Variants in ENOX2 observed in about 807,000 individuals in gnomAD.
The protein encoded by ENOX2 is APK1 antigen.
Under a neutral mutation model 45.0 loss-of-function variants are expected in ENOX2, and 36 were observed. The observed-to-expected ratio is 0.80, with a 90% CI of 0.61 to 1.06. ENOX2 has a LOEUF of 1.06. Ranked by LOEUF, ENOX2 falls within the 50% of genes least tolerant of loss-of-function variation. The probability of loss-of-function intolerance (pLI) is 0.00; values close to 1 mark genes in which losing one functional copy is unlikely to be tolerated. For synonymous variants in ENOX2, 174 were observed against 152.3 expected (o/e 1.14, Z -1.05); for missense variants, 423 against 462.5 (o/e 0.91, Z 0.78).
chrX:130,790,184 GAA>G (rs777791372), intron 2 of ENOX2, among the ~76,000 whole-genome samples: 79 of 112,739 alleles, frequency 7.0e-4, no homozygotes, highest in African/African-American at 2.4e-3. Flanking sequence ...AAGTGAGAAA[GAA>G]AACGGAAAAG....
intron 5 of ENOX2, among the ~76,000 whole-genome samples, chrX:130,688,419 G>A (rs115876375): frequency 0.024 from 2,712 of 111,702 alleles, 66 homozygotes; most frequent in African/African-American, 0.076. Context: ...ACAACCCATC[G>A]GTTGAATAGC....
chrX:130,896,637 T>C (rs993889898), intron 2 of ENOX2, among the ~76,000 whole-genome samples: 2 of 112,102 alleles, frequency 1.8e-5, no homozygotes. Context: ...TGAAACCCTA[T>C]CTGTAATTTC....
intron 2 of ENOX2, among the ~76,000 whole-genome samples, chrX:130,859,256 C>T (rs2078369129): frequency 9.0e-6 from 1 of 111,702 alleles, no homozygotes; most frequent in Non-Finnish European, 1.9e-5. Flanking sequence ...TGCTTGAACC[C>T]GGGAGGCGGA....
Position 130,628,629 on chromosome X carries a change from GAA to G in ENOX2, c.1529-588_1529-587del, listed in dbSNP as rs754926754. Among the ~76,000 whole-genome samples the G allele has an allele frequency of 4.7e-4, 53 of 112,548 alleles. No homozygotes were observed. In the South Asian group the frequency reaches 0.016, roughly 33 times the overall value. ...ATTATTTTGTGAACAGCTCTGTAAA[GAA>G]AAGTCAAACATTTCATTCACGGCTA... is the stretch of plus-strand genomic sequence containing the variant. On this transcript the variant is annotated intron_variant, in intron 13 of 14. Coordinates refer to ENST00000394363, the MANE Select transcript of ENOX2 (RefSeq NM_006375.4).
At chrX:130,691,391 A>G (rs990288772) in intron 4 of ENOX2, among the ~76,000 whole-genome samples, 2 of 111,456 alleles carry the variant, frequency 1.8e-5, no homozygotes, top group African/African-American at 6.5e-5. Context: ...ACATTCACAA[A>G]CATCTGTGAT....
At chrX:130,662,455 C>T (rs963159538) in intron 9 of ENOX2, among the ~76,000 whole-genome samples, 2 of 111,772 alleles carry the variant, frequency 1.8e-5, no homozygotes, top group African/African-American at 3.3e-5. Context: ...AAAGGTTGAA[C>T]GTCAGAAACT....
rs140965759 is a variant in ENOX2, at chrX:130,667,574, G to C, written c.863C>G (p.Ala288Gly). 3.4e-5 allele frequency: 41 copies of C among 1,209,493 alleles called. 1 individual carries two copies. In the South Asian group the frequency reaches 5.6e-4, roughly 17 times the overall value. ...AAGGGCCTGCTTGAACTTCTCCTTTGCTTCTTCCATATCTTTCTCATGGGC... is the reference window on the plus strand; with the variant it reads ...AAGGGCCTGCTTGAACTTCTCCTTTCCTTCTTCCATATCTTTCTCATGGGC... ...KAAHEKDMEEAKEKFKQALSG... is the reference protein window; with the variant it reads ...KAAHEKDMEEGKEKFKQALSG... The change falls in exon 8 of 15, where the codon GCA becomes GGA. Residue 288 changes from alanine to glycine, a missense_variant. Coordinates refer to ENST00000394363, the MANE Select transcript of ENOX2 (RefSeq NM_006375.4).
chrX:130,656,631 G>C lies in ENOX2; in HGVS notation c.1079C>G (p.Ser360Cys). ...GIRREEEMEMSDDEIEEMTET... is the reference protein window; with the variant it reads ...GIRREEEMEMCDDEIEEMTET... ...TGTCATTTCTTCTATTTCATCATCA[G>C]ACATTTCCATTTCTTCTTCTCGCCT... Residue 360 changes from serine to cysteine, a missense_variant, in exon 10 of 15, where the codon TCT becomes TGT. Coordinates refer to ENST00000394363, the MANE Select transcript of ENOX2 (RefSeq NM_006375.4). The C allele has an allele frequency of 8.5e-7, 1 of 1,179,411 alleles. No homozygotes were observed. The highest frequency in any genetic ancestry group is 1.1e-6 in the Non-Finnish European group (1 of 869,913).
At chrX:130,808,030 TC>T (rs2077334240) in intron 2 of ENOX2, among the ~76,000 whole-genome samples, 1 of 112,395 alleles carries the variant, frequency 8.9e-6, no homozygotes, top group African/African-American at 3.2e-5. Context: ...TACTCATTCT[TC>T]CTTACTTGTA....
At chrX:130,820,740 T>C (rs533743969) in intron 2 of ENOX2, among the ~76,000 whole-genome samples, 4 of 112,424 alleles carry the variant, frequency 3.6e-5, no homozygotes, top group Non-Finnish European at 7.5e-5. Context: ...ATCTCACTTA[T>C]ATGTGGAATC....
At chrX:130,765,411 T>A (rs779989800) in intron 3 of ENOX2, among the ~76,000 whole-genome samples, 22 of 111,576 alleles carry the variant, frequency 2.0e-4, no homozygotes, top group Non-Finnish European at 3.8e-4. Flanking sequence ...TATACCTATA[T>A]GTAATCTCAA....
Position 130,631,858 on chromosome X carries a change from C to G in ENOX2, c.1420-282G>C, listed in dbSNP as rs140525655. ...CTTGACTTTATACAAGCAATCTGGG[C>G]AACTAGACCCAACATTTATGGTATA... On this transcript the variant is annotated intron_variant, in intron 12 of 14. Coordinates refer to ENST00000394363, the MANE Select transcript of ENOX2 (RefSeq NM_006375.4). 0.041 allele frequency among the ~76,000 whole-genome samples: 4,189 copies of G among 103,111 alleles called. 244 individuals are homozygous for G. The highest frequency in any genetic ancestry group is 0.14 in the African/African-American group (3,927 of 27,745). The allele number at this position is 103,111 out of a possible 115,157, so 89.5% of individuals were successfully genotyped here.
At chrX:130,776,889 T>C (rs2039869040) in intron 3 of ENOX2, among the ~76,000 whole-genome samples, 1 of 111,576 alleles carries the variant, frequency 9.0e-6, no homozygotes, top group Non-Finnish European at 1.9e-5. Context: ...CATAGGTATT[T>C]CCCAGTCTCA....
At chrX:130,772,098 G>A (rs1355109757) in intron 3 of ENOX2, among the ~76,000 whole-genome samples, 7 of 112,120 alleles carry the variant, frequency 6.2e-5, no homozygotes, top group Admixed American at 2.8e-4. Flanking sequence ...CTTTCTACTC[G>A]ACTGACTGGC....
intron 3 of ENOX2, among the ~76,000 whole-genome samples, chrX:130,712,978 C>T (rs12557141): frequency 0.019 from 2,096 of 111,900 alleles, 44 homozygotes; most frequent in Admixed American, 0.082. Context: ...ATAATTCTTA[C>T]AAAAACTCTA....
At chrX:130,832,466 CA>C (rs2077854189) in intron 2 of ENOX2, among the ~76,000 whole-genome samples, 8 of 109,257 alleles carry the variant, frequency 7.3e-5, no homozygotes, top group Middle Eastern at 4.7e-3. Context: ...CACACACACA[CA>C]CACCCCACTT....
chrX:130,842,235 GA>G (rs2078026993), intron 2 of ENOX2, among the ~76,000 whole-genome samples: 1 of 112,506 alleles, frequency 8.9e-6, no homozygotes, highest in Non-Finnish European at 1.9e-5. Context: ...CAAAGCTGAG[GA>G]AAAGATATAG....
chrX:130,727,854 G>A (rs1348227472), intron 3 of ENOX2, among the ~76,000 whole-genome samples: 1 of 111,684 alleles, frequency 9.0e-6, no homozygotes, highest in East Asian at 2.8e-4. Context: ...TACGAGCTAG[G>A]GCTAGGCAAT....
intron 11 of ENOX2, among the ~76,000 whole-genome samples, chrX:130,636,642 G>C (rs1194952237): frequency 8.9e-6 from 1 of 112,646 alleles, no homozygotes; most frequent in Admixed American, 9.3e-5. Flanking sequence ...GCAGTTGGGT[G>C]CATTTATTTA....
Sources: gnomAD v4.1 joint callset for allele counts (sites outside exome capture counted in the v4.1 genomes callset) on GRCh38, gnomAD v4.1.1 for gene constraint, MANE v1.5 for transcripts, NCBI Gene and HGNC (gene_info 2026-07-23, HGNC 2026-07-21) for gene names.